The following TWSG1 variants were observed in gnomAD, a reference collection of about 807,000 sequenced individuals.
TWSG1 encodes twisted gastrulation protein homolog 1.
In TWSG1, 15 loss-of-function variants were observed where a neutral mutation model predicts 23.0. That is an observed-to-expected ratio of 0.65 (90% confidence interval 0.44 to 1.00). The LOEUF (loss-of-function observed/expected upper bound fraction) is 1.00, where lower values mean the gene tolerates loss of function less well. TWSG1 is among the 50% of genes least tolerant of loss of function. TWSG1 has a pLI of 0.00. For missense variants in TWSG1, 242 were observed against 278.7 expected (o/e 0.87, Z 0.94); for synonymous variants, 86 against 92.8 (o/e 0.93, Z 0.42).
intron 3 of TWSG1, among the ~76,000 whole-genome samples, chr18:9,378,335 G>T (rs893533836): frequency 2.6e-5 from 4 of 152,174 alleles, no homozygotes; most frequent in Non-Finnish European, 5.9e-5. Flanking sequence ...ATCCCTGTTT[G>T]CAGACAACAC....
At chr18:9,375,166 C>CAA (rs34522798) in intron 3 of TWSG1, among the ~76,000 whole-genome samples, 1,234 of 89,636 alleles carry the variant, frequency 0.014, 32 homozygotes, top group Middle Eastern at 0.02. Flanking sequence ...TACTCCGTCT[C>CAA]AAAAAAAAAA....
Position 9,335,581 on chromosome 18 carries a change from G to T in TWSG1, c.-38+661G>T, listed in dbSNP as rs561486553. On this transcript the variant is annotated intron_variant, in intron 1 of 4. Transcript: ENST00000262120. ...GTTGTAGGATGAAAACTAGTTCCACGACAGTTAGTCTCCAAATAACCTTAT... is the reference window on the plus strand; with the variant it reads ...GTTGTAGGATGAAAACTAGTTCCACTACAGTTAGTCTCCAAATAACCTTAT... Among the ~76,000 whole-genome samples, 7 of 152,280 alleles carry T rather than the reference G, an allele frequency of 4.6e-5. No homozygotes were observed. In the South Asian group the frequency reaches 1.4e-3, roughly 32 times the overall value.
At chr18:9,367,030 C>T (rs568500358) in intron 3 of TWSG1, among the ~76,000 whole-genome samples, 17 of 152,196 alleles carry the variant, frequency 1.1e-4, no homozygotes, top group Admixed American at 3.9e-4. Flanking sequence ...TCACTGCAGC[C>T]GCAACCTCAA....
chr18:9,398,656 G>A (rs551934842), intron 4 of TWSG1, among the ~76,000 whole-genome samples: 4 of 151,942 alleles, frequency 2.6e-5, no homozygotes, highest in South Asian at 2.1e-4. Context: ...ACAGGGTTTC[G>A]CCATGTTAGC....
At chr18:9,367,955 A>C (rs1205946087) in intron 3 of TWSG1, among the ~76,000 whole-genome samples, 1 of 152,182 alleles carries the variant, frequency 6.6e-6, no homozygotes, top group African/African-American at 2.4e-5. Flanking sequence ...ACTATTGTGA[A>C]TAATGCTGCA....
intron 3 of TWSG1, among the ~76,000 whole-genome samples, chr18:9,365,896 CT>C (rs58903884): frequency 0.56 from 84,050 of 151,044 alleles, 24,638 homozygotes; most frequent in East Asian, 0.71. Flanking sequence ...GTCCTAGCTA[CT>C]TGGAGGGCTG....
chr18:9,381,901 G>A (rs2040658115), intron 3 of TWSG1, among the ~76,000 whole-genome samples: 1 of 151,974 alleles, frequency 6.6e-6, no homozygotes, highest in African/African-American at 2.4e-5. Context: ...CCAGAACATT[G>A]CTAGCACCAC....
intron 3 of TWSG1, among the ~76,000 whole-genome samples, chr18:9,385,301 C>G (rs1224286930): frequency 6.6e-6 from 1 of 152,158 alleles, no homozygotes; most frequent in Admixed American, 6.6e-5. Context: ...TATTGGTACC[C>G]AGGCAAGGCC....
At position 9,351,342 on chromosome 18, in the gene TWSG1, C is replaced by T. The variant is rs149490798; in HGVS notation, c.124-8630C>T. 4.6e-5 allele frequency among the ~76,000 whole-genome samples: 7 copies of T among 152,014 alleles called. No homozygotes were observed. In the East Asian group the frequency reaches 9.6e-4, roughly 21 times the overall value. On this transcript the variant is annotated intron_variant, in intron 2 of 4. Transcript: ENST00000262120. ...CTACTCTTACTATTTTGATATAGCT[C>T]CTTCTGGTTTTTATTCTCTGTTTAG... is the stretch of plus-strand genomic sequence containing the variant.
chr18:9,380,498 T>A (rs2040651444), intron 3 of TWSG1, among the ~76,000 whole-genome samples: 1 of 152,360 alleles, frequency 6.6e-6, no homozygotes, highest in Non-Finnish European at 1.5e-5. Context: ...ACACAGTAGC[T>A]TTCATCTGTA....
At chr18:9,384,647 C>T (rs2040673726) in intron 3 of TWSG1, among the ~76,000 whole-genome samples, 1 of 142,082 alleles carries the variant, frequency 7.0e-6, no homozygotes, top group African/African-American at 2.6e-5. Flanking sequence ...TGTGCTTTCC[C>T]TTTTTTTTTT....
chr18:9,382,700 A>C (rs1277036575), intron 3 of TWSG1, among the ~76,000 whole-genome samples: 1 of 150,966 alleles, frequency 6.6e-6, no homozygotes, highest in Non-Finnish European at 1.5e-5. Context: ...CCAGTTACTC[A>C]GGAGTCTAAG....
intron 3 of TWSG1, among the ~76,000 whole-genome samples, chr18:9,393,414 C>G (rs1467018324): frequency 6.6e-6 from 1 of 152,228 alleles, no homozygotes; most frequent in Non-Finnish European, 1.5e-5. Context: ...CACTTGGTGT[C>G]AGCTGGGACA....
At chr18:9,354,670 A>G (rs926831961) in intron 2 of TWSG1, among the ~76,000 whole-genome samples, 1 of 152,218 alleles carries the variant, frequency 6.6e-6, no homozygotes, top group Non-Finnish European at 1.5e-5. Context: ...TTGATGTACT[A>G]TTATGCGCTG....
At position 9,396,351 on chromosome 18, in the gene TWSG1, C is replaced by CCGAT; in HGVS notation, c.297_300dup (p.Pro101AspfsTer32). 2.5e-6 allele frequency: 4 copies of CCGAT among 1,614,156 alleles called. No homozygotes were observed. The highest frequency in any genetic ancestry group is 3.4e-6 in the Non-Finnish European group (4 of 1,180,022). On this transcript the variant is annotated frameshift_variant, in exon 4 of 5. Transcript: ENST00000262120. LOFTEE classifies it high-confidence loss of function. ...GAGCACAGTGGAGGAGCTGCATGAA[C>CCGAT]CGATCCCTTCTCTCTTCCGGGCACT...
intron 2 of TWSG1, among the ~76,000 whole-genome samples, chr18:9,356,485 T>C (rs547289795): frequency 6.6e-6 from 1 of 152,300 alleles, no homozygotes; most frequent in South Asian, 2.1e-4. Flanking sequence ...AACTATTAAA[T>C]TGACATTCAT....
At chr18:9,367,898 C>T (rs1390674004) in intron 3 of TWSG1, among the ~76,000 whole-genome samples, 1 of 152,158 alleles carries the variant, frequency 6.6e-6, no homozygotes, top group African/African-American at 2.4e-5. Flanking sequence ...TACATATCCA[C>T]ATTTTCTTTA....
rs1414329761 is a variant in TWSG1, at chr18:9,401,222, C to T, written c.*1695C>T. On this transcript the variant is annotated 3_prime_UTR_variant, in exon 5 of 5. Coordinates refer to ENST00000262120, the MANE Select transcript of TWSG1 (RefSeq NM_020648.6). Reference sequence around the variant, plus strand: ...TTTCTTCCTTTTACCTAGAATGCCTCATTTAAAAGTGCCTTGAAAACATTT... The same window carrying T: ...TTTCTTCCTTTTACCTAGAATGCCTTATTTAAAAGTGCCTTGAAAACATTT... 1.3e-5 allele frequency: 2 copies of T among 152,092 alleles called. No individual in the cohort carries two copies. Among genetic ancestry groups the T allele is most frequent in the African/African-American group, 4.8e-5 (2 of 41,386 alleles). The allele number at this position is 152,092 out of a possible 1,614,324, so 9.4% of individuals were successfully genotyped here.
chr18:9,387,507 G>T (rs185566443), intron 3 of TWSG1, among the ~76,000 whole-genome samples: 1 of 152,114 alleles, frequency 6.6e-6, no homozygotes, highest in East Asian at 1.9e-4. Flanking sequence ...TGGCTCATGC[G>T]TAATCCCAGC....
Sources: gnomAD v4.1 joint callset for allele counts (sites outside exome capture counted in the v4.1 genomes callset) on GRCh38, gnomAD v4.1.1 for gene constraint, MANE v1.5 for transcripts, NCBI Gene and HGNC (gene_info 2026-07-23, HGNC 2026-07-21) for gene names.